The following NELL1 variants were observed in gnomAD, a reference collection of about 807,000 sequenced individuals.
NELL1 encodes the protein protein kinase C-binding protein NELL1.
A neutral mutation model predicts 107.4 loss-of-function variants in NELL1; 76 were observed. The ratio of observed to expected loss-of-function variants is 0.71; its 90% confidence interval spans 0.59 to 0.86. The LOEUF is 0.86. Among genes scored for constraint, NELL1 ranks in the 40% least tolerant of loss-of-function variants. NELL1 has a pLI of 0.00. For missense variants in NELL1, 1,024 were observed against 1,005.5 expected, an observed-to-expected ratio of 1.02 and a Z score of -0.25; for synonymous variants, 353 against 341.2, an observed-to-expected ratio of 1.03 and a Z score of -0.38.
intron 13 of NELL1, among the ~76,000 whole-genome samples, chr11:21,200,645 C>A (rs1857249541): frequency 6.6e-6 from 1 of 152,096 alleles, no homozygotes; most frequent in Non-Finnish European, 1.5e-5. Flanking sequence ...TAATTAGATC[C>A]CATTTGTCAA....
rs566814806 is a variant in NELL1 at position 20,984,768 on chromosome 11, T to A, written c.1300+24208T>A. On this transcript the variant is annotated intron_variant, in intron 12 of 19. Coordinates refer to ENST00000357134, the MANE Select transcript of NELL1 (RefSeq NM_006157.5). ...GCACCTTAATGACCAACATTTATGA[T>A]GATGGGTCATTTGCAGAGAGAAGGG... is the stretch of plus-strand genomic sequence containing the variant. Among the ~76,000 whole-genome samples, 21 of 152,260 alleles carry A rather than the reference T, an allele frequency of 1.4e-4. 1 individual carries two copies. The South Asian group carries it at 4.4e-3, about 32-fold the overall frequency.
At chr11:21,315,872 G>A (rs1849868526) in intron 14 of NELL1, among the ~76,000 whole-genome samples, 1 of 94,518 alleles carries the variant, frequency 1.1e-5, no homozygotes, top group Non-Finnish European at 2.2e-5. Flanking sequence ...TGGTGGTGGT[G>A]GTGGTGGTGG....
At chr11:21,546,971 G>T (rs888828676) in intron 16 of NELL1, among the ~76,000 whole-genome samples, 1 of 151,966 alleles carries the variant, frequency 6.6e-6, no homozygotes, top group Non-Finnish European at 1.5e-5. Flanking sequence ...GGTCTGGTCA[G>T]TGTTAGTTCC....
intron 5 of NELL1, among the ~76,000 whole-genome samples, chr11:20,915,497 T>C (rs2134154531): frequency 6.8e-6 from 1 of 148,012 alleles, no homozygotes; most frequent in South Asian, 2.2e-4. Flanking sequence ...TAATATGAAA[T>C]AAAGCATATG....
intron 14 of NELL1, among the ~76,000 whole-genome samples, chr11:21,292,673 C>CAAT (rs1849297287): frequency 6.6e-6 from 1 of 152,132 alleles, no homozygotes; most frequent in Admixed American, 6.6e-5. Flanking sequence ...TACCTGACTT[C>CAAT]AAACTATACT....
chr11:20,928,446 C>T lies in NELL1; in HGVS notation c.964C>T (p.His322Tyr), dbSNP rs1045102182. The T allele has an allele frequency of 1.2e-6, 2 of 1,613,902 alleles. No individual in the cohort carries two copies. The change falls in exon 9 of 20, where the codon CAC (histidine) becomes TAC (tyrosine). Residue 322 changes from histidine (H) to tyrosine (Y), a missense_variant. Physicochemically the swap from His to Tyr is moderately conservative, Grantham distance 83 (BLOSUM62 2). Transcript: ENST00000357134. ...TTGCTCCCCAGACTCCCTCCCAGTG[C>T]ACATTGCTGGCCAGTGCTGTAAGGT... ...LNCSPDSLPV[H>Y]IAGQCCKVCR...
At chr11:21,157,503 C>T (rs562034455) in intron 13 of NELL1, among the ~76,000 whole-genome samples, 3 of 152,254 alleles carry the variant, frequency 2.0e-5, no homozygotes, top group East Asian at 1.9e-4. Context: ...ACATAGTACA[C>T]GCACTTATCT....
chr11:20,675,644 T>G (rs767349379), intron 1 of NELL1, among the ~76,000 whole-genome samples: 7 of 152,172 alleles, frequency 4.6e-5, no homozygotes, highest in Non-Finnish European at 8.8e-5. Flanking sequence ...ATTTCTGCCC[T>G]TAAGCATAAA....
At chr11:21,488,246 C>T (rs1854694674) in intron 15 of NELL1, among the ~76,000 whole-genome samples, 3 of 151,922 alleles carry the variant, frequency 2.0e-5, no homozygotes, top group Non-Finnish European at 2.9e-5. Flanking sequence ...ACAAATAGAA[C>T]ATTCTCCAGG....
At chr11:20,704,733 GTAAAGGATTTTATT>G (rs1381375286) in intron 2 of NELL1, among the ~76,000 whole-genome samples, 1 of 152,128 alleles carries the variant, frequency 6.6e-6, no homozygotes, top group African/African-American at 2.4e-5. Context: ...TTACTTGTCT[GTAAAGGATTTTATT>G]TCTCCTTCAC....
chr11:21,004,120 T>C (rs1278677727), intron 12 of NELL1, among the ~76,000 whole-genome samples: 1 of 152,166 alleles, frequency 6.6e-6, no homozygotes, highest in Non-Finnish European at 1.5e-5. Context: ...CTATGCACTT[T>C]ATAGTACTTG....
intron 12 of NELL1, among the ~76,000 whole-genome samples, chr11:21,006,634 C>T (rs1040751397): frequency 2.0e-5 from 3 of 151,976 alleles, no homozygotes; most frequent in African/African-American, 4.8e-5. Flanking sequence ...TTCCCCTTGG[C>T]GCTTATAAGT....
At chr11:20,697,784 G>C (rs1302719737) in intron 2 of NELL1, among the ~76,000 whole-genome samples, 2 of 152,144 alleles carry the variant, frequency 1.3e-5, no homozygotes, top group Non-Finnish European at 1.5e-5. Context: ...ATGGTCTTTG[G>C]GGGAGGTGGC....
intron 2 of NELL1, among the ~76,000 whole-genome samples, chr11:20,759,264 A>G (rs556480784): frequency 2.6e-5 from 4 of 152,180 alleles, no homozygotes; most frequent in African/African-American, 9.7e-5. Flanking sequence ...GCTTCTTGTA[A>G]TTAACTTTTC....
intron 13 of NELL1, among the ~76,000 whole-genome samples, chr11:21,122,808 TAAA>T (rs937972077): frequency 2.6e-5 from 4 of 151,028 alleles, no homozygotes; most frequent in Admixed American, 6.6e-5. Context: ...CTGAAAGAAT[TAAA>T]AAAAAACAGA....
intron 14 of NELL1, among the ~76,000 whole-genome samples, chr11:21,249,701 G>A (rs907612647): frequency 3.9e-5 from 6 of 152,122 alleles, no homozygotes; most frequent in Non-Finnish European, 7.4e-5. Context: ...GCATACAAAT[G>A]TCTGCATTAC....
chr11:21,485,807 C>T (rs1854614319), intron 15 of NELL1, among the ~76,000 whole-genome samples: 1 of 152,034 alleles, frequency 6.6e-6, no homozygotes, highest in Non-Finnish European at 1.5e-5. Flanking sequence ...CTGTCCTGGT[C>T]CCACCCCCAC....
rs192894667 is a variant in NELL1, at chr11:21,226,098, G to A, written c.1427-3234G>A. Among the ~76,000 whole-genome samples the A allele has an allele frequency of 2.4e-4, 36 of 152,066 alleles. No homozygotes were observed. The East Asian group carries it at 6.6e-3, about 28-fold the overall frequency. On this transcript the variant is annotated intron_variant, in intron 13 of 19. Transcript: ENST00000357134. ...ATCCTTGGCAACTGGAAAGGAATGT[G>A]ATATTTATAGAAGAAAATGGTATTT...
chr11:21,381,774 A>G (rs1339779822), intron 15 of NELL1, among the ~76,000 whole-genome samples: 2 of 151,862 alleles, frequency 1.3e-5, no homozygotes, highest in African/African-American at 4.8e-5. Flanking sequence ...TCCCACAAAC[A>G]TTTTATGTAA....
Sources: allele counts gnomAD v4.1 joint callset (sites outside exome capture counted in the v4.1 genomes callset), GRCh38; gene constraint gnomAD v4.1.1; transcripts MANE v1.5; gene names NCBI Gene and HGNC (gene_info 2026-07-23, HGNC 2026-07-21).